The following RASA3 variants were observed in gnomAD, a reference collection of about 807,000 sequenced individuals.
RASA3 encodes the protein RAS p21 protein activator 3, also known as ras GTPase-activating protein 3.
A neutral mutation model predicts 110.0 loss-of-function variants in RASA3; 73 were observed. The ratio of observed to expected loss-of-function variants is 0.66; its 90% CI spans 0.55 to 0.81. The LOEUF is 0.81. RASA3 is among the 30% of genes least tolerant of loss of function. The pLI is 0.00. For missense variants in RASA3, 976 were observed against 1,113.2 expected (o/e 0.88, Z 1.75); for synonymous variants, 500 against 451.4 (o/e 1.11, Z -1.37).
At chr13:114,035,458 G>A (rs948673225) in intron 4 of RASA3, among the ~76,000 whole-genome samples, 3 of 152,230 alleles carry the variant, frequency 2.0e-5, no homozygotes, top group African/African-American at 7.2e-5. Context: ...GGGGTGTATG[G>A]AAACTCTGTA....
intron 1 of RASA3, among the ~76,000 whole-genome samples, chr13:114,102,857 C>T (rs1170941165): frequency 3.9e-5 from 6 of 152,180 alleles, no homozygotes; most frequent in East Asian, 1.9e-4. Flanking sequence ...AAGACCAAGT[C>T]GTCTGTATAA....
chr13:114,105,553 G>A (rs1045504053), intron 1 of RASA3, among the ~76,000 whole-genome samples: 1 of 152,160 alleles, frequency 6.6e-6, no homozygotes, highest in East Asian at 1.9e-4. Flanking sequence ...CACCGGCATC[G>A]AAGCTCCTCA....
At chr13:114,073,871 C>G (rs370443198) in intron 1 of RASA3, 34 bp from the exon 2 acceptor site, 1 of 1,538,884 alleles carries the variant, frequency 6.5e-7, no homozygotes, top group Admixed American at 1.7e-5. Flanking sequence ...TCATCAGCAG[C>G]GTAGAAATGT....
chr13:114,118,190 A>C (rs905645115), intron 1 of RASA3, among the ~76,000 whole-genome samples: 1 of 152,080 alleles, frequency 6.6e-6, no homozygotes, highest in Non-Finnish European at 1.5e-5. Flanking sequence ...CTTGGAAGGC[A>C]CAGCCAATAT....
chr13:114,018,315 C>T, intron 10 of RASA3, 63 bp from the exon 11 acceptor site: 1 of 1,495,250 alleles, frequency 6.7e-7, no homozygotes, highest in Non-Finnish European at 8.9e-7. Context: ...GGCCTGTCCC[C>T]ACCTTGGCTG....
chr13:114,064,586 G>T (rs1331489266), intron 2 of RASA3, among the ~76,000 whole-genome samples: 8 of 152,184 alleles, frequency 5.3e-5, no homozygotes, highest in Non-Finnish European at 1.2e-4. Context: ...AGTTTGAAGC[G>T]TATTCCAAAA....
intron 1 of RASA3, among the ~76,000 whole-genome samples, chr13:114,098,111 G>A (rs1195478964): frequency 2.0e-5 from 3 of 152,142 alleles, no homozygotes; most frequent in African/African-American, 7.2e-5. Flanking sequence ...TGGACCCCAG[G>A]GCCAAAACCC....
intron 2 of RASA3, among the ~76,000 whole-genome samples, chr13:114,071,156 C>T (rs989085598): frequency 5.3e-5 from 8 of 152,176 alleles, no homozygotes; most frequent in Non-Finnish European, 8.8e-5. Flanking sequence ...CTTGCTCTGT[C>T]GCCCAGGCTG....
chr13:114,009,687 A>G (rs930248047), intron 16 of RASA3, among the ~76,000 whole-genome samples: 1 of 152,212 alleles, frequency 6.6e-6, no homozygotes, highest in African/African-American at 2.4e-5. Context: ...AGTGCCCGTG[A>G]GGTCTCCAAG....
At position 114,096,981 on chromosome 13, in the gene RASA3, G is replaced by A. The variant is rs939762858; in HGVS notation, c.56-23144C>T. ...TCCTTCCCGTGCACCAGGCCACTCTGAGTCTGCTCCTCCACGAGGCTCCCA... is the reference window on the plus strand; with the variant it reads ...TCCTTCCCGTGCACCAGGCCACTCTAAGTCTGCTCCTCCACGAGGCTCCCA... On this transcript the variant is annotated intron_variant, in intron 1 of 23. Transcript: ENST00000334062. This position sits in a 1 kb window ranked among gnomAD's most constrained non-coding sequence, Gnocchi z 5.1. Among the ~76,000 whole-genome samples the A allele has an allele frequency of 2.6e-5, 4 of 152,138 alleles. No individual in the cohort carries two copies. Among genetic ancestry groups the A allele is most frequent in the African/African-American group, 7.2e-5 (3 of 41,412 alleles).
At chr13:114,024,085 A>G (rs1566493706) in intron 8 of RASA3, among the ~76,000 whole-genome samples, 194 bp downstream of exon 8, 1 of 152,206 alleles carries the variant, frequency 6.6e-6, no homozygotes, top group African/African-American at 2.4e-5. Context: ...CTTCGCAGGT[A>G]TTGCAAGGTG....
chr13:114,109,736 C>T (rs1326231244), intron 1 of RASA3, among the ~76,000 whole-genome samples: 1 of 151,810 alleles, frequency 6.6e-6, no homozygotes, highest in African/African-American at 2.4e-5. Flanking sequence ...AGCCTCCAAA[C>T]GCCGTGAGCA....
Position 114,096,727 on chromosome 13 carries a change from C to T in RASA3, c.56-22890G>A, listed in dbSNP as rs761987320. On this transcript the variant is annotated intron_variant, in intron 1 of 23. Transcript: ENST00000334062. The surrounding 1 kb of genome is among the most constrained non-coding windows in gnomAD (Gnocchi z 5.1). Reference sequence around the variant, plus strand: ...ACAGTTATGACCACCCTTCCCTCCTCGTCCCCCAAAGCACTCAACAGCTCT... The same window carrying T: ...ACAGTTATGACCACCCTTCCCTCCTTGTCCCCCAAAGCACTCAACAGCTCT... Among the ~76,000 whole-genome samples the T allele has an allele frequency of 6.6e-6, 1 of 152,108 alleles. No homozygotes were observed. Among genetic ancestry groups the T allele is most frequent in the African/African-American group, 2.4e-5 (1 of 41,392 alleles).
intron 3 of RASA3, among the ~76,000 whole-genome samples, chr13:114,050,208 G>T (rs2079121848): frequency 6.6e-6 from 1 of 152,168 alleles, no homozygotes; most frequent in South Asian, 2.1e-4. Flanking sequence ...GGGTGCAGGG[G>T]TCACGCTGGA....
At chr13:114,091,220 C>G (rs928883123) in intron 1 of RASA3, among the ~76,000 whole-genome samples, 1 of 151,822 alleles carries the variant, frequency 6.6e-6, no homozygotes, top group Admixed American at 6.6e-5. Context: ...CCACATGGGT[C>G]CCCCTCCACT....
At chr13:113,995,673 AGCTGATGGGGGCCCG>A (rs200492937) in intron 21 of RASA3, among the ~76,000 whole-genome samples, 6,753 of 92,764 alleles carry the variant, frequency 0.073, 310 homozygotes, top group Non-Finnish European at 0.084. Context: ...CGGAGGACCC[AGCTGATGGGGGCCCG>A]GCTGATGGGG....
At position 113,999,651 on chromosome 13, in the gene RASA3, G is replaced by A. The variant is rs370015212; in HGVS notation, c.1866C>T (p.Tyr622=). 1.2e-5 allele frequency: 20 copies of A among 1,613,088 alleles called. No homozygotes were observed. The highest frequency in any genetic ancestry group is 5.4e-5 in the African/African-American group (4 of 74,624). Residue 622 remains tyrosine, a synonymous_variant, in exon 20 of 24, where the codon TAC becomes TAT. Transcript: ENST00000334062. The part of the protein sequence containing the change: ...YHKSKGDQPL[Y]SIPIENILAV... ...CCAGGATGTTCTCGATGGGAATGCT[G>A]TAGAGAGGCTGGTCCCCTGCAGCAG...
intron 18 of RASA3, among the ~76,000 whole-genome samples, chr13:114,004,814 C>A (rs1295942840): frequency 1.3e-5 from 2 of 152,214 alleles, no homozygotes; most frequent in Admixed American, 1.3e-4. Flanking sequence ...CAAAAAGACA[C>A]CTGCATGCGT....
At chr13:114,009,925 C>A (rs1334568833) in intron 16 of RASA3, among the ~76,000 whole-genome samples, 1 of 152,194 alleles carries the variant, frequency 6.6e-6, no homozygotes, top group Non-Finnish European at 1.5e-5. Context: ...AGTGGAGGCA[C>A]CCAGGGATTC....
Sources: allele counts gnomAD v4.1 joint callset (sites outside exome capture counted in the v4.1 genomes callset), GRCh38; gene constraint gnomAD v4.1.1; non-coding constraint Gnocchi (gnomAD v3.1); transcripts MANE v1.5; gene names NCBI Gene and HGNC (gene_info 2026-07-23, HGNC 2026-07-21).